The following CCDC93 variants were observed in gnomAD, a reference collection of about 807,000 sequenced individuals.
CCDC93 encodes the protein CCC complex scaffolding subunit CCDC93, also known as coiled-coil domain-containing protein 93.
In CCDC93, 61 loss-of-function variants were observed where a neutral mutation model predicts 108.2. That is an observed-to-expected ratio of 0.56 (90% CI 0.46 to 0.70). The LOEUF (loss-of-function observed/expected upper bound fraction) is 0.70. CCDC93 is among the 30% of genes least tolerant of loss of function. CCDC93 has a pLI of 0.00. For missense variants in CCDC93, 685 were observed against 764.2 expected (o/e 0.90, Z 1.22); for synonymous variants, 276 against 260.4 (o/e 1.06, Z -0.58).
At chr2:117,944,558 A>G (rs996571573) in intron 17 of CCDC93, among the ~76,000 whole-genome samples, 5 of 152,214 alleles carry the variant, frequency 3.3e-5, no homozygotes, top group African/African-American at 9.7e-5. Context: ...CAGCATTGAT[A>G]TAGAAAATAG....
intron 8 of CCDC93, among the ~76,000 whole-genome samples, chr2:117,977,684 T>C (rs1000906120): frequency 3.9e-5 from 6 of 152,082 alleles, no homozygotes; most frequent in Non-Finnish European, 7.3e-5. Flanking sequence ...AGATGAGGAG[T>C]GCTCTGGGAG....
At chr2:117,947,314 G>A (rs1678903673) in intron 15 of CCDC93, among the ~76,000 whole-genome samples, 2 of 152,056 alleles carry the variant, frequency 1.3e-5, no homozygotes, top group South Asian at 4.2e-4. Context: ...CTTTTTGGTG[G>A]CTCCTGTGCT....
chr2:117,997,603 A>T (rs1680695047), intron 4 of CCDC93: 1 of 152,250 alleles, frequency 6.6e-6, no homozygotes, highest in Non-Finnish European at 1.5e-5. Context: ...TGCTCAGAAT[A>T]GAGCAAATAA....
At chr2:117,947,355 C>T (rs1278434374) in intron 15 of CCDC93, among the ~76,000 whole-genome samples, 1 of 152,134 alleles carries the variant, frequency 6.6e-6, no homozygotes, top group African/African-American at 2.4e-5. Context: ...GGAGCTCACA[C>T]AGAACTTGCC....
chr2:117,986,907 G>A (rs771978738), intron 6 of CCDC93, among the ~76,000 whole-genome samples: 19 of 152,022 alleles, frequency 1.2e-4, no homozygotes, highest in South Asian at 4.2e-4. Context: ...AACCTACATG[G>A]TGTCAGTTAC....
Position 117,966,451 on chromosome 2 carries a change from A to C in CCDC93, c.888+7457T>G, listed in dbSNP as rs1417232993. On this transcript the variant is annotated intron_variant, in intron 11 of 23. Transcript: ENST00000376300. ...CCCCCACTAAATACTTCCAGTTCTG[A>C]GAGCTGATAAAGGCTCCCTTTTGCT... 4.6e-5 allele frequency among the ~76,000 whole-genome samples: 7 copies of C among 152,256 alleles called. No individual in the cohort carries two copies. The East Asian group carries it at 1.3e-3, about 29-fold the overall frequency.
intron 11 of CCDC93, among the ~76,000 whole-genome samples, chr2:117,959,568 T>C (rs1408656509): frequency 3.9e-5 from 6 of 152,184 alleles, no homozygotes; most frequent in Admixed American, 6.5e-5. Flanking sequence ...TAACCATTTA[T>C]TCTGGTTAAG....
chr2:117,993,592 G>A (rs1680554054), intron 6 of CCDC93, among the ~76,000 whole-genome samples: 1 of 152,166 alleles, frequency 6.6e-6, no homozygotes, highest in African/African-American at 2.4e-5. Context: ...CTGCCTCAGA[G>A]GTAACATGAT....
intron 6 of CCDC93, among the ~76,000 whole-genome samples, chr2:117,989,189 C>T (rs1294403255): frequency 1.3e-5 from 2 of 152,182 alleles, no homozygotes; most frequent in Non-Finnish European, 2.9e-5. Context: ...TTTCCAACCA[C>T]GGATAGGATA....
intron 1 of CCDC93, among the ~76,000 whole-genome samples, chr2:118,010,883 T>A (rs1013134559): frequency 1.6e-4 from 24 of 152,194 alleles, no homozygotes; most frequent in Admixed American, 1.4e-3. Flanking sequence ...CACAAGTCTA[T>A]CCTGAAATGG....
chr2:117,960,560 G>A (rs548815343), intron 11 of CCDC93, among the ~76,000 whole-genome samples: 38 of 152,316 alleles, frequency 2.5e-4, no homozygotes, highest in African/African-American at 4.1e-4. Context: ...CCATGCTCTC[G>A]TATTAGTGTA....
intron 1 of CCDC93, 93 bp from the exon 2 acceptor site, chr2:118,008,751 GAGT>G (rs1399016057): frequency 2.0e-5 from 15 of 750,980 alleles, no homozygotes; most frequent in Admixed American, 4.5e-5. Context: ...CATTGCCAAG[GAGT>G]AGATGACATT....
intron 4 of CCDC93, chr2:117,996,568 A>G (rs1680657387): frequency 2.1e-6 from 1 of 483,434 alleles, no homozygotes; most frequent in African/African-American, 2.0e-5. Flanking sequence ...CCTAGTGCTG[A>G]GTAGCCGTGC....
chr2:118,011,034 C>G (rs1559500), intron 1 of CCDC93, among the ~76,000 whole-genome samples: 147,684 of 152,342 alleles, frequency 0.97, 71,772 homozygotes, highest in Middle Eastern at 1. Flanking sequence ...GATTGATTAA[C>G]GAGAGGACTA....
At chr2:117,986,151 G>A (rs1373033461) in intron 6 of CCDC93, 82 bp from the exon 7 acceptor site, 9 of 553,754 alleles carry the variant, frequency 1.6e-5, no homozygotes, top group Non-Finnish European at 2.6e-5. Flanking sequence ...CAGCCATGGG[G>A]TATATTCTCT....
At chr2:117,972,172 C>T (rs959243469) in intron 11 of CCDC93, among the ~76,000 whole-genome samples, 4 of 152,174 alleles carry the variant, frequency 2.6e-5, no homozygotes, top group African/African-American at 7.2e-5. Flanking sequence ...TGTAAGTGGA[C>T]CCACACAGTC....
At chr2:117,968,468 G>C (rs907853848) in intron 11 of CCDC93, among the ~76,000 whole-genome samples, 1 of 152,168 alleles carries the variant, frequency 6.6e-6, no homozygotes, top group Non-Finnish European at 1.5e-5. Context: ...GGCAGATGGA[G>C]CTACTCAGCC....
intron 7 of CCDC93, among the ~76,000 whole-genome samples, chr2:117,982,426 A>G (rs1181666764): frequency 1.3e-5 from 2 of 152,146 alleles, no homozygotes; most frequent in Non-Finnish European, 2.9e-5. Flanking sequence ...CACCATTAAC[A>G]CTTAGAAAAA....
Position 117,948,165 on chromosome 2 carries a change from T to G in CCDC93, c.1164A>C (p.Ala388=). 6.2e-7 allele frequency: 1 copy of G among 1,613,548 alleles called. No individual in the cohort carries two copies. ...ADPSILQNLR[A]LVAMNENLKS... ...TCAGATTTTCATTCATGGCTACAAG[T>G]GCTCTCAGGTTCTGTAGGATACTGA... Residue 388 remains alanine, a synonymous_variant, in exon 15 of 24, where the codon GCA becomes GCC. Transcript: ENST00000376300.
Sources: allele counts gnomAD v4.1 joint callset (sites outside exome capture counted in the v4.1 genomes callset), GRCh38; gene constraint gnomAD v4.1.1; transcripts MANE v1.5; gene names NCBI Gene and HGNC (gene_info 2026-07-23, HGNC 2026-07-21).